The following SEMA3D variants were observed in gnomAD, a reference collection of about 807,000 sequenced individuals.
The protein encoded by SEMA3D is semaphorin 3D.
Under a neutral mutation model 100.1 loss-of-function variants are expected in SEMA3D, and 84 were observed. The observed-to-expected ratio is 0.84, with a 90% CI of 0.70 to 1.01. The LOEUF (loss-of-function observed/expected upper bound fraction) is 1.01. Ranked by LOEUF, SEMA3D falls within the 50% of genes least tolerant of loss-of-function variation. The pLI, the probability that SEMA3D is intolerant of heterozygous loss-of-function variation, is 0.00. For synonymous variants in SEMA3D, 312 were observed against 320.7 expected (o/e 0.97, Z 0.29); for missense variants, 875 against 934.1 (o/e 0.94, Z 0.82).
intron 9 of SEMA3D, among the ~76,000 whole-genome samples, chr7:85,047,112 T>C (rs895324995): frequency 6.6e-6 from 1 of 151,726 alleles, no homozygotes; most frequent in Non-Finnish European, 1.5e-5. Flanking sequence ...TTCCTGTACT[T>C]GTTATATGTT....
chr7:85,128,408 A>G (rs191454811), intron 2 of SEMA3D, among the ~76,000 whole-genome samples: 7 of 152,122 alleles, frequency 4.6e-5, no homozygotes, highest in Admixed American at 2.0e-4. Context: ...TGACCTCGTG[A>G]TCCACCTGCC....
At chr7:85,008,315 T>C (rs2115757298) in intron 17 of SEMA3D, among the ~76,000 whole-genome samples, 1 of 151,892 alleles carries the variant, frequency 6.6e-6, no homozygotes, top group Admixed American at 6.6e-5. Flanking sequence ...GATAAATTGG[T>C]GAAATCAACT....
the SEMA3D span, among the ~76,000 whole-genome samples, chr7:85,249,499 C>A: frequency 6.6e-6 from 1 of 152,148 alleles, no homozygotes; most frequent in Non-Finnish European, 1.5e-5. Context: ...ACCCAGTCTA[C>A]CATATTGACA....
chr7:85,143,538 T>A (rs993553200), intron 2 of SEMA3D, among the ~76,000 whole-genome samples: 1 of 152,116 alleles, frequency 6.6e-6, no homozygotes, highest in Non-Finnish European at 1.5e-5. Flanking sequence ...GTATTTAAAC[T>A]TATCTAAACA....
chr7:85,164,692 G>T (rs1790847379), intron 1 of SEMA3D, among the ~76,000 whole-genome samples: 1 of 152,050 alleles, frequency 6.6e-6, no homozygotes, highest in South Asian at 2.1e-4. Flanking sequence ...CACTTTTGTG[G>T]CACACAAATT....
intron 9 of SEMA3D, among the ~76,000 whole-genome samples, chr7:85,052,936 TC>T (rs1197834375): frequency 6.6e-6 from 1 of 151,966 alleles, no homozygotes; most frequent in Non-Finnish European, 1.5e-5. Context: ...CAAAATCTTT[TC>T]CCCACCAATC....
At chr7:85,195,095 A>G in the SEMA3D span, among the ~76,000 whole-genome samples, 1 of 152,154 alleles carries the variant, frequency 6.6e-6, no homozygotes, top group Non-Finnish European at 1.5e-5. Flanking sequence ...TCTTTCTTCC[A>G]TTGGCATACA....
chr7:85,136,698 T>A (rs1789876579), intron 2 of SEMA3D, among the ~76,000 whole-genome samples: 1 of 152,156 alleles, frequency 6.6e-6, no homozygotes, highest in Non-Finnish European at 1.5e-5. Context: ...GTGTATCAAC[T>A]GGGAAAATAC....
chr7:85,036,867 G>T (rs769385428), intron 12 of SEMA3D, 22 bp downstream of exon 12: 12 of 1,561,932 alleles, frequency 7.7e-6, no homozygotes, highest in Non-Finnish European at 8.7e-6. Flanking sequence ...AAAATAATTT[G>T]ATTATTAAGT....
At chr7:85,030,199 ATTT>A (rs34800712) in intron 12 of SEMA3D, among the ~76,000 whole-genome samples, 7 of 147,714 alleles carry the variant, frequency 4.7e-5, no homozygotes, top group African/African-American at 1.5e-4. Flanking sequence ...TTCACCACCT[ATTT>A]TTTTTTTTTG....
intron 1 of SEMA3D, chr7:85,159,819 CTT>C: frequency 1.0e-6 from 1 of 984,464 alleles, no homozygotes; most frequent in Non-Finnish European, 1.2e-6. Context: ...AGTGCATACT[CTT>C]TCCTTCACAC....
intron 1 of SEMA3D, among the ~76,000 whole-genome samples, chr7:85,173,431 G>A (rs1791140447): frequency 6.6e-6 from 1 of 151,950 alleles, no homozygotes. Context: ...ATTGCACTGT[G>A]CCCCAAAATT....
intron 2 of SEMA3D, among the ~76,000 whole-genome samples, chr7:85,124,298 G>A (rs769608147): frequency 6.6e-6 from 1 of 151,770 alleles, no homozygotes; most frequent in Non-Finnish European, 1.5e-5. Context: ...TTAAAAACTT[G>A]CTGCTTTTAT....
chr7:84,999,401 T>C lies in SEMA3D; in HGVS notation c.*39A>G, dbSNP rs1208098031. On this transcript the variant is annotated 3_prime_UTR_variant, in exon 19 of 19. Transcript: ENST00000284136. ...TATACAAAACAGAAGGCAATGTTTT[T>C]ATAGGTAAGGAATTCTTTTCTTTAA... 6.5e-7 allele frequency: 1 copy of C among 1,535,414 alleles called. No individual in the cohort carries two copies. Among genetic ancestry groups the C allele is most frequent in the Non-Finnish European group, 9.0e-7 (1 of 1,116,750 alleles).
chr7:85,146,247 T>C (rs1425631111), intron 2 of SEMA3D, among the ~76,000 whole-genome samples: 1 of 152,160 alleles, frequency 6.6e-6, no homozygotes, highest in Non-Finnish European at 1.5e-5. Flanking sequence ...TACAATCACA[T>C]TTCACTTTTA....
At chr7:85,033,444 G>A (rs1390540337) in intron 12 of SEMA3D, among the ~76,000 whole-genome samples, 1 of 152,124 alleles carries the variant, frequency 6.6e-6, no homozygotes, top group Non-Finnish European at 1.5e-5. Context: ...AGCAGGGAAG[G>A]CGGTGACAAC....
chr7:85,216,449 T>A, the SEMA3D span, among the ~76,000 whole-genome samples: 2 of 151,770 alleles, frequency 1.3e-5, no homozygotes, highest in African/African-American at 4.8e-5. Context: ...CCCACTTTAC[T>A]ACACACAATA....
intron 2 of SEMA3D, among the ~76,000 whole-genome samples, chr7:85,143,719 A>T (rs1790120184): frequency 7.3e-6 from 1 of 137,440 alleles, no homozygotes; most frequent in African/African-American, 2.8e-5. Context: ...ATAATATGAG[A>T]CATGTAATTT....
chr7:85,125,701 T>C (rs1436490908), intron 2 of SEMA3D, among the ~76,000 whole-genome samples: 1 of 152,102 alleles, frequency 6.6e-6, no homozygotes, highest in Non-Finnish European at 1.5e-5. Context: ...AATTCAATAG[T>C]TAATCCTTTA....
Sources: gnomAD v4.1 joint callset for allele counts (sites outside exome capture counted in the v4.1 genomes callset) on GRCh38, gnomAD v4.1.1 for gene constraint, MANE v1.5 for transcripts, NCBI Gene and HGNC (gene_info 2026-07-23, HGNC 2026-07-21) for gene names.